The following TTC9C variants were observed in gnomAD, a reference collection of about 807,000 sequenced individuals.
The protein encoded by TTC9C is tetratricopeptide repeat domain 9C, also known as tetratricopeptide repeat protein 9C.
Under a neutral mutation model 22.5 loss-of-function variants are expected in TTC9C, and 15 were observed. That is an observed-to-expected ratio of 0.67 (90% CI 0.45 to 1.03). The LOEUF (loss-of-function observed/expected upper bound fraction) is 1.03, where lower values mean the gene tolerates loss of function less well. Among genes scored for constraint, TTC9C ranks in the 50% least tolerant of loss-of-function variants. TTC9C has a pLI of 0.00. For missense variants in TTC9C, 244 were observed against 214.6 expected, an observed-to-expected ratio of 1.14 and a Z score of -0.86; for synonymous variants, 92 against 86.8, an observed-to-expected ratio of 1.06 and a Z score of -0.33.
intron 1 of TTC9C, among the ~76,000 whole-genome samples, chr11:62,729,377 A>T (rs147888340): frequency 0.024 from 240 of 9,944 alleles, 1 homozygote; most frequent in Non-Finnish European, 0.16. Flanking sequence ...TTATTTTTTT[A>T]TTTTATTTTA....
intron 1 of TTC9C, among the ~76,000 whole-genome samples, chr11:62,733,666 C>T (rs2083877863): frequency 6.6e-6 from 1 of 151,504 alleles, no homozygotes; most frequent in Non-Finnish European, 1.5e-5. Context: ...TGCAGTGGTA[C>T]AATCTCGGCT....
intron 1 of TTC9C, among the ~76,000 whole-genome samples, chr11:62,732,309 T>G (rs1010143067): frequency 1.3e-5 from 2 of 151,756 alleles, no homozygotes; most frequent in Non-Finnish European, 2.9e-5. Flanking sequence ...AAAGCACTTT[T>G]AAAAATTAAT....
chr11:62,728,409 A>G (rs752335087), upstream of TTC9C: 2 of 407,394 alleles, frequency 4.9e-6, no homozygotes, highest in African/African-American at 4.2e-5. Flanking sequence ...AGCCCTCTGG[A>G]GTTTTAGCAC....
At chr11:62,730,615 C>T (rs930447584) in intron 1 of TTC9C, among the ~76,000 whole-genome samples, 2 of 152,088 alleles carry the variant, frequency 1.3e-5, no homozygotes, top group Non-Finnish European at 2.9e-5. Flanking sequence ...CTCTTGTTGC[C>T]CAGGCTGGAG....
intron 1 of TTC9C, among the ~76,000 whole-genome samples, chr11:62,729,779 T>C (rs1355301693): frequency 1.3e-5 from 2 of 152,032 alleles, no homozygotes; most frequent in African/African-American, 2.4e-5. Context: ...TTTCATAATA[T>C]TGGTCAGGCT....
At chr11:62,730,596 T>C (rs1423941439) in intron 1 of TTC9C, among the ~76,000 whole-genome samples, 2 of 150,940 alleles carry the variant, frequency 1.3e-5, no homozygotes, top group East Asian at 4.0e-4. Flanking sequence ...TTTTTGAGAC[T>C]GAATTTTGCT....
At chr11:62,732,526 C>T (rs12270593) in intron 1 of TTC9C, among the ~76,000 whole-genome samples, 24,556 of 151,320 alleles carry the variant, frequency 0.16, 2,232 homozygotes, top group Non-Finnish European at 0.22. Context: ...AGGAGAATTG[C>T]TTGAACCTGG....
At position 62,733,719 on chromosome 11, in the gene TTC9C, C is replaced by T. The variant is rs2134813365; in HGVS notation, c.239-1663C>T. ...TATATAAAAAATTAATGGGGCCGGG[C>T]ACAGTGACTCACGCCTGTAATCCCA... On this transcript the variant is annotated intron_variant, in intron 1 of 2. Coordinates refer to ENST00000316461, the MANE Select transcript of TTC9C (RefSeq NM_173810.4). Among the ~76,000 whole-genome samples, 4 of 152,048 alleles carry T rather than the reference C, an allele frequency of 2.6e-5. 1 individual carries two copies. Among genetic ancestry groups the T allele is most frequent in the Middle Eastern group, 6.8e-3 (2 of 294 alleles).
chr11:62,737,576 G>C (rs1410917207), intron 2 of TTC9C, among the ~76,000 whole-genome samples: 3 of 152,112 alleles, frequency 2.0e-5, no homozygotes, highest in Admixed American at 2.0e-4. Context: ...TCATCTAAAT[G>C]AATGAGAAAG....
intron 1 of TTC9C, among the ~76,000 whole-genome samples, chr11:62,732,217 G>A (rs2083859464): frequency 6.7e-6 from 1 of 149,908 alleles, no homozygotes; most frequent in Non-Finnish European, 1.5e-5. Flanking sequence ...GGATGGTCTC[G>A]ATCTCCTGAC....
chr11:62,732,329 C>T (rs2083860623), intron 1 of TTC9C, among the ~76,000 whole-genome samples: 1 of 151,932 alleles, frequency 6.6e-6, no homozygotes, highest in South Asian at 2.1e-4. Flanking sequence ...TTTACTTGGG[C>T]CGGGCATGGT....
intron 2 of TTC9C, chr11:62,735,929 T>C (rs2083906508): frequency 1.3e-5 from 2 of 153,086 alleles, no homozygotes; most frequent in Admixed American, 1.3e-4. Context: ...TTTATACATA[T>C]ACATGAATAT....
At position 62,728,803 on chromosome 11, in the gene TTC9C, C is replaced by T. The variant is rs778142622; in HGVS notation, c.-46C>T. ...TTTTGCTCCCAACCCCAGAGCTTCA[C>T]TTGCTCCTTCACTTCCCAGTTCCGC... On this transcript the variant is annotated 5_prime_UTR_variant, in exon 1 of 3. Coordinates refer to ENST00000316461, the MANE Select transcript of TTC9C (RefSeq NM_173810.4). The T allele has an allele frequency of 6.3e-6, 10 of 1,597,474 alleles. No homozygotes were observed. Among genetic ancestry groups the T allele is most frequent in the Admixed American group, 1.7e-5 (1 of 59,914 alleles).
chr11:62,735,305 ACT>A, intron 1 of TTC9C, 75 bp from the exon 2 acceptor site: 2 of 1,561,204 alleles, frequency 1.3e-6, no homozygotes, highest in Non-Finnish European at 8.7e-7. Context: ...CCTGTTCAGT[ACT>A]GTCTTGAGCT....
At chr11:62,729,657 C>T (rs949749455) in intron 1 of TTC9C, among the ~76,000 whole-genome samples, 1 of 150,352 alleles carries the variant, frequency 6.7e-6, no homozygotes, top group African/African-American at 2.5e-5. Context: ...CTCACCGCAA[C>T]CTCTGCCTCC....
intron 1 of TTC9C, among the ~76,000 whole-genome samples, chr11:62,734,536 A>C (rs1565172018): frequency 6.6e-6 from 1 of 152,194 alleles, no homozygotes; most frequent in Non-Finnish European, 1.5e-5. Context: ...AGCCAAGATC[A>C]TGCCACTGCA....
rs775270594 is a variant in TTC9C, at chr11:62,729,016, C to T, written c.168C>T (p.Gly56=). Residue 56 remains glycine (G), a synonymous_variant, in exon 1 of 3, where the codon GGC becomes GGT. Coordinates refer to ENST00000316461, the MANE Select transcript of TTC9C (RefSeq NM_173810.4). ...CGTTACCTAATCTCGGACCTCAGGG[C>T]CCGGCCCTCACGCCTGAACAAGAAA... ...PSPLPNLGPQ[G]PALTPEQENI... 4 of 1,614,120 alleles carry T rather than the reference C, an allele frequency of 2.5e-6. No individual in the cohort carries two copies. The highest frequency in any genetic ancestry group is 1.6e-4 in the Middle Eastern group (1 of 6,062).
upstream of TTC9C, chr11:62,728,459 G>GA: frequency 2.1e-6 from 1 of 467,180 alleles, no homozygotes; most frequent in Non-Finnish European, 4.3e-6. Context: ...GTCGGGGGGG[G>GA]GCGGGTCCAA....
chr11:62,730,091 T>C (rs756444315), intron 1 of TTC9C, among the ~76,000 whole-genome samples: 18 of 152,212 alleles, frequency 1.2e-4, no homozygotes, highest in Admixed American at 3.9e-4. Flanking sequence ...TTTTTCTTTT[T>C]TTGAGAAGAG....
Sources: gnomAD v4.1 joint callset for allele counts (sites outside exome capture counted in the v4.1 genomes callset) on GRCh38, gnomAD v4.1.1 for gene constraint, MANE v1.5 for transcripts, NCBI Gene and HGNC (gene_info 2026-07-23, HGNC 2026-07-21) for gene names.